LYST: variants seen among roughly 807,000 people sequenced by gnomAD.
LYST encodes lysosomal trafficking regulator.
A neutral mutation model predicts 413.6 loss-of-function variants in LYST; 192 were observed. That is an observed-to-expected ratio of 0.46 (90% CI 0.41 to 0.52). The LOEUF (loss-of-function observed/expected upper bound fraction) is 0.52. LYST is among the 20% of genes least tolerant of loss of function. LYST has a pLI of 0.00. For synonymous variants in LYST, 1,525 were observed against 1,567.3 expected (o/e 0.97, Z 0.64); for missense variants, 3,815 against 4,499.9 (o/e 0.85, Z 4.35).
intron 4 of LYST, among the ~76,000 whole-genome samples, chr1:235,811,703 A>T (rs1227281505): frequency 6.6e-6 from 1 of 152,218 alleles, no homozygotes; most frequent in Non-Finnish European, 1.5e-5. Context: ...CTGTAAATAA[A>T]AAAATCTGTG....
intron 44 of LYST, among the ~76,000 whole-genome samples, chr1:235,705,756 G>T (rs1034602370): frequency 6.6e-6 from 1 of 151,656 alleles, no homozygotes; most frequent in African/African-American, 2.4e-5. Flanking sequence ...AAACAAAAAG[G>T]GTATAATGAA....
chr1:235,870,913 T>C (rs1558370548), upstream of LYST, among the ~76,000 whole-genome samples: 1 of 152,190 alleles, frequency 6.6e-6, no homozygotes, highest in South Asian at 2.1e-4. Flanking sequence ...CTGCAATGCA[T>C]GGGAACAGAA....
At chr1:235,881,978 T>A (rs1297213887) in intron 1 of LYST, among the ~76,000 whole-genome samples, 2 of 151,976 alleles carry the variant, frequency 1.3e-5, no homozygotes, top group Non-Finnish European at 2.9e-5. Flanking sequence ...GTACAGTTAA[T>A]GCCACTAAAC....
At chr1:235,740,850 AAT>A (rs1665323943) in intron 31 of LYST, among the ~76,000 whole-genome samples, 1 of 152,196 alleles carries the variant, frequency 6.6e-6, no homozygotes, top group African/African-American at 2.4e-5. Flanking sequence ...TGACAAGTTA[AAT>A]ATATGTTTAA....
chr1:235,846,456 A>T lies in LYST; in HGVS notation c.-97-12789T>A, dbSNP rs904766865. ...AAAACCAACCCTGGTAATATGACAA[A>T]ACAAGGCTCTTCAACACCCCCCCAA... is the stretch of plus-strand genomic sequence containing the variant. On this transcript the variant is annotated intron_variant, in intron 1 of 52. Coordinates refer to ENST00000389793, the MANE Select transcript of LYST (RefSeq NM_000081.4). 7.8e-4 allele frequency among the ~76,000 whole-genome samples: 118 copies of T among 152,120 alleles called. 1 individual carries two copies. Among genetic ancestry groups the T allele is most frequent in the African/African-American group, 2.8e-3 (114 of 41,406 alleles).
chr1:235,738,174 A>G, intron 31 of LYST: 2 of 1,609,882 alleles, frequency 1.2e-6, no homozygotes, highest in Non-Finnish European at 1.7e-6. Context: ...AGACAAATTG[A>G]AGGGCGAGAT....
chr1:235,666,055 A>C (rs887103204), intron 50 of LYST, among the ~76,000 whole-genome samples: 1 of 152,204 alleles, frequency 6.6e-6, no homozygotes, highest in African/African-American at 2.4e-5. Flanking sequence ...TTCATATTTT[A>C]TAGCAAAGAA....
intron 1 of LYST, among the ~76,000 whole-genome samples, chr1:235,875,553 G>A (rs2103235295): frequency 6.6e-6 from 1 of 152,332 alleles, no homozygotes; most frequent in South Asian, 2.1e-4. Flanking sequence ...AAGCCAGGGG[G>A]CAGCTACATC....
At chr1:235,853,008 A>G (rs1341864544) in intron 1 of LYST, 1 of 170,444 alleles carries the variant, frequency 5.9e-6, no homozygotes, top group Non-Finnish European at 1.5e-5. Flanking sequence ...TTACAACTGT[A>G]ACTAGACGGT....
At chr1:235,771,078 A>G (rs1442624313) in intron 19 of LYST, among the ~76,000 whole-genome samples, 1 of 152,206 alleles carries the variant, frequency 6.6e-6, no homozygotes, top group African/African-American at 2.4e-5. Context: ...ATAATGAACC[A>G]AGATATTGAT....
chr1:235,870,071 A>C (rs572847343), upstream of LYST, among the ~76,000 whole-genome samples: 211 of 152,130 alleles, frequency 1.4e-3, no homozygotes, highest in African/African-American at 5.0e-3. Context: ...TCTGCCCTGG[A>C]CCCCACACAT....
intron 14 of LYST, among the ~76,000 whole-genome samples, chr1:235,782,551 G>A (rs952634791): frequency 4.6e-5 from 7 of 152,134 alleles, no homozygotes; most frequent in African/African-American, 1.7e-4. Flanking sequence ...CTAATTGTTT[G>A]TCTCTTGGTC....
intron 47 of LYST, among the ~76,000 whole-genome samples, chr1:235,691,384 A>G (rs1317877216): frequency 1.3e-5 from 2 of 152,252 alleles, no homozygotes; most frequent in African/African-American, 2.4e-5. Flanking sequence ...CGAAGCTGGG[A>G]CACTAACAAA....
chr1:235,859,837 G>T (rs1679655328), intron 1 of LYST, among the ~76,000 whole-genome samples: 1 of 152,100 alleles, frequency 6.6e-6, no homozygotes, highest in Non-Finnish European at 1.5e-5. Flanking sequence ...TGTTGTCAGG[G>T]TTAAATAAAA....
intron 1 of LYST, among the ~76,000 whole-genome samples, chr1:235,842,373 C>T (rs1395390674): frequency 6.6e-6 from 1 of 152,150 alleles, no homozygotes; most frequent in Non-Finnish European, 1.5e-5. Context: ...CAGATGACAA[C>T]ATCCACAGTG....
intron 38 of LYST, among the ~76,000 whole-genome samples, chr1:235,725,825 A>T (rs1663819187): frequency 6.6e-6 from 1 of 152,168 alleles, no homozygotes; most frequent in Non-Finnish European, 1.5e-5. Context: ...TGGAAGGTTG[A>T]ATCTGCTTGA....
At chr1:235,787,503 G>T in intron 13 of LYST, 130 bp from the exon 14 acceptor site, 1 of 785,654 alleles carries the variant, frequency 1.3e-6, no homozygotes, top group Admixed American at 2.0e-5. Flanking sequence ...TAAAGTGCTT[G>T]AAAAGTCAGT....
intron 21 of LYST, among the ~76,000 whole-genome samples, chr1:235,764,802 C>T (rs908746905): frequency 1.3e-4 from 19 of 151,946 alleles, no homozygotes; most frequent in African/African-American, 4.6e-4. Context: ...CGTGCCTGGC[C>T]CCATTTACTA....
At chr1:235,716,360 T>TA (rs1662837395) in intron 41 of LYST, among the ~76,000 whole-genome samples, 1 of 152,202 alleles carries the variant, frequency 6.6e-6, no homozygotes, top group East Asian at 1.9e-4. Flanking sequence ...GGGTACATTA[T>TA]AAATATATTA....
Sources: allele counts gnomAD v4.1 joint callset (sites outside exome capture counted in the v4.1 genomes callset), GRCh38; gene constraint gnomAD v4.1.1; transcripts MANE v1.5; gene names NCBI Gene and HGNC (gene_info 2026-07-23, HGNC 2026-07-21).